The following RMST variants were observed in gnomAD, a reference collection of about 807,000 sequenced individuals.
The protein encoded by RMST is long intergenic non-protein coding RNA 54.
intron 10 of RMST, among the ~76,000 whole-genome samples, chr12:97,520,200 G>A (rs139233145): frequency 1.3e-5 from 2 of 152,294 alleles, no homozygotes; most frequent in Admixed American, 6.5e-5. Context: ...ATAGTGGAAC[G>A]TCTTTGGCCA....
intron 11 of RMST, among the ~76,000 whole-genome samples, chr12:97,549,186 G>A (rs1174184287): frequency 6.6e-6 from 1 of 152,174 alleles, no homozygotes; most frequent in African/African-American, 2.4e-5. Flanking sequence ...CTCCTTAAGG[G>A]AACATTGGTA....
chr12:97,512,916 C>T (rs1040816518), intron 10 of RMST, among the ~76,000 whole-genome samples: 8 of 152,164 alleles, frequency 5.3e-5, no homozygotes, highest in South Asian at 2.1e-4. Flanking sequence ...GGCTGCAGGT[C>T]GGGAGCCCTG....
chr12:97,549,089 G>T (rs1159489454), intron 11 of RMST, among the ~76,000 whole-genome samples: 1 of 152,046 alleles, frequency 6.6e-6, no homozygotes, highest in Non-Finnish European at 1.5e-5. Flanking sequence ...ACGCACCCTG[G>T]GTGGTTTTGA....
intron 10 of RMST, among the ~76,000 whole-genome samples, chr12:97,506,675 G>GTTTTTTTTTTTTTTTTTTTTTTTTT: frequency 1.3e-5 from 1 of 76,944 alleles, no homozygotes; most frequent in Non-Finnish European, 2.4e-5. Context: ...AGGGTAATCT[G>GTTTTTTTTTTTTTTTTTTTTTTTTT]TTTTTTTTTT....
At chr12:97,516,829 G>A (rs1017387794) in intron 10 of RMST, among the ~76,000 whole-genome samples, 7 of 151,716 alleles carry the variant, frequency 4.6e-5, no homozygotes, top group African/African-American at 7.3e-5. Context: ...GCATCTATTG[G>A]GCATCATTTT....
chr12:97,538,541 A>G (rs569764223), intron 11 of RMST, among the ~76,000 whole-genome samples: 1 of 151,426 alleles, frequency 6.6e-6, no homozygotes, highest in East Asian at 1.9e-4. Context: ...AAGAGGCTAA[A>G]TAACTGTGCT....
At chr12:97,503,623 C>T (rs769442057) in intron 10 of RMST, among the ~76,000 whole-genome samples, 9 of 152,124 alleles carry the variant, frequency 5.9e-5, no homozygotes, top group African/African-American at 1.2e-4. Flanking sequence ...TAGGCCTCCT[C>T]GTGATGTCTG....
chr12:97,493,461 C>A (rs1227168449), intron 7 of RMST, among the ~76,000 whole-genome samples: 6 of 152,132 alleles, frequency 3.9e-5, no homozygotes, highest in Non-Finnish European at 1.5e-5. Context: ...ATATACATTT[C>A]TCTTATTTAT....
intron 5 of RMST, among the ~76,000 whole-genome samples, chr12:97,482,341 A>T (rs973581209): frequency 2.0e-5 from 3 of 152,102 alleles, no homozygotes; most frequent in Non-Finnish European, 4.4e-5. Context: ...GAAGAGTGTG[A>T]CTGTGTTCCA....
At chr12:97,533,507 A>G (rs1881840239) in intron 11 of RMST, 1 of 151,880 alleles carries the variant, frequency 6.6e-6, no homozygotes, top group African/African-American at 2.4e-5. Context: ...AAAATGCTGT[A>G]GGAGAAGCTA....
intron 10 of RMST, among the ~76,000 whole-genome samples, chr12:97,514,186 A>G (rs546661371): frequency 6.6e-6 from 1 of 152,328 alleles, no homozygotes; most frequent in African/African-American, 2.4e-5. Context: ...CTGAAACACC[A>G]TTCTTGCTCT....
At chr12:97,503,116 A>G (rs533944791) in intron 10 of RMST, among the ~76,000 whole-genome samples, 1 of 152,274 alleles carries the variant, frequency 6.6e-6, no homozygotes, top group African/African-American at 2.4e-5. Flanking sequence ...TGTCTTTACC[A>G]TATTGATTTC....
chr12:97,537,039 G>A (rs1418804917), intron 11 of RMST, among the ~76,000 whole-genome samples: 1 of 151,322 alleles, frequency 6.6e-6, no homozygotes, highest in Non-Finnish European at 1.5e-5. Flanking sequence ...GCAACTAAAG[G>A]GCATTGTGTA....
exon 14 of RMST, chr12:97,564,491 A>G (rs1265272877): frequency 2.0e-5 from 3 of 152,938 alleles, no homozygotes; most frequent in South Asian, 4.1e-4. Flanking sequence ...CGCTTCAACT[A>G]TGTGACCTGG....
At chr12:97,504,222 G>A (rs1274103055) in intron 10 of RMST, among the ~76,000 whole-genome samples, 1 of 152,010 alleles carries the variant, frequency 6.6e-6, no homozygotes, top group Non-Finnish European at 1.5e-5. Context: ...TGGCCAACAT[G>A]GCAAACCCCC....
intron 5 of RMST, among the ~76,000 whole-genome samples, chr12:97,469,188 G>GTA (rs1565915545): frequency 2.7e-5 from 4 of 146,436 alleles, no homozygotes; most frequent in South Asian, 2.1e-4. Context: ...GTGTATGTGT[G>GTA]TATATATATA....
intron 10 of RMST, among the ~76,000 whole-genome samples, chr12:97,506,089 T>C (rs1452903400): frequency 3.9e-5 from 6 of 152,244 alleles, no homozygotes; most frequent in African/African-American, 1.4e-4. Flanking sequence ...AATGATACAT[T>C]ACACTTTTAA....
chr12:97,492,893 A>T (rs1877009580), intron 6 of RMST: 1 of 152,212 alleles, frequency 6.6e-6, no homozygotes, highest in Non-Finnish European at 1.5e-5. Context: ...TTGGAAATTG[A>T]ACTCAGATAG....
intron 11 of RMST, among the ~76,000 whole-genome samples, chr12:97,543,178 C>T (rs1263113881): frequency 6.6e-6 from 1 of 151,954 alleles, no homozygotes; most frequent in Non-Finnish European, 1.5e-5. Context: ...TTTGTTGCAT[C>T]CAAATGGTTG....
Sources: allele counts gnomAD v4.1 joint callset (sites outside exome capture counted in the v4.1 genomes callset), GRCh38; gene constraint gnomAD v4.1.1; transcripts MANE v1.5; gene names NCBI Gene and HGNC (gene_info 2026-07-23, HGNC 2026-07-21).